Variants in BACH2 observed in about 807,000 individuals in gnomAD.
The protein encoded by BACH2 is transcription regulator protein BACH2.
Under a neutral mutation model 61.8 loss-of-function variants are expected in BACH2, and 5 were observed. The observed-to-expected ratio is 0.08, with a 90% confidence interval of 0.04 to 0.17. The LOEUF (loss-of-function observed/expected upper bound fraction) is 0.17. Among genes scored for constraint, BACH2 ranks in the 10% least tolerant of loss-of-function variants. The pLI, the probability that BACH2 is intolerant of heterozygous loss-of-function variation, is 1.00. For missense variants in BACH2, 824 were observed against 1,091.1 expected, an observed-to-expected ratio of 0.76 and a Z score of 3.45; for synonymous variants, 446 against 440.1, an observed-to-expected ratio of 1.01 and a Z score of -0.17.
At chr6:90,151,014 C>A (rs4707602) in intron 4 of BACH2, among the ~76,000 whole-genome samples, 3,662 of 152,238 alleles carry the variant, frequency 0.024, 77 homozygotes, top group East Asian at 0.09. Context: ...TTACACGAGG[C>A]AGACAGGTAG....
At chr6:90,179,369 C>T (rs942903656) in intron 4 of BACH2, among the ~76,000 whole-genome samples, 6 of 152,160 alleles carry the variant, frequency 3.9e-5, no homozygotes, top group African/African-American at 1.2e-4. Context: ...GGCTGGGGTG[C>T]TAATATTTAG....
chr6:90,061,976 G>C (rs958098126), intron 5 of BACH2, among the ~76,000 whole-genome samples: 1 of 152,172 alleles, frequency 6.6e-6, no homozygotes, highest in African/African-American at 2.4e-5. Context: ...GCAGTAAAGT[G>C]GAGTAGAAGC....
chr6:90,261,392 CCTTGACAACT>C (rs1360680028), intron 2 of BACH2, among the ~76,000 whole-genome samples: 3 of 152,136 alleles, frequency 2.0e-5, no homozygotes, highest in African/African-American at 7.2e-5. Flanking sequence ...AAAAAATGTT[CCTTGACAACT>C]CTTGCTCTCC....
intron 5 of BACH2, among the ~76,000 whole-genome samples, chr6:90,057,426 C>G (rs372320225): frequency 1.3e-5 from 2 of 152,154 alleles, no homozygotes; most frequent in African/African-American, 2.4e-5. Flanking sequence ...AAACCAGGAA[C>G]AAGTTGAATC....
At chr6:90,219,773 CTTTAAAACACA>C (rs1392656945) in intron 3 of BACH2, among the ~76,000 whole-genome samples, 6 of 109,342 alleles carry the variant, frequency 5.5e-5, no homozygotes, top group African/African-American at 1.1e-4. Context: ...GGGAGTGGGG[CTTTAAAACACA>C]TACACACACA....
At chr6:90,233,775 C>T (rs1311282124) in intron 3 of BACH2, among the ~76,000 whole-genome samples, 1 of 152,138 alleles carries the variant, frequency 6.6e-6, no homozygotes, top group Admixed American at 6.5e-5. Flanking sequence ...CTGACCCCAT[C>T]CACAGGCTCA....
At chr6:90,113,962 G>A (rs775283088) in intron 4 of BACH2, among the ~76,000 whole-genome samples, 2 of 152,030 alleles carry the variant, frequency 1.3e-5, no homozygotes, top group Admixed American at 6.6e-5. Flanking sequence ...TCCTAAGACT[G>A]AGTCAGGAAG....
chr6:90,034,801 T>C (rs962762117), intron 5 of BACH2, among the ~76,000 whole-genome samples: 2 of 152,146 alleles, frequency 1.3e-5, no homozygotes, highest in African/African-American at 4.8e-5. Context: ...CCAAATCAGA[T>C]GGCTTGCCCA....
At chr6:89,991,413 A>AT (rs1044409221) in intron 6 of BACH2, among the ~76,000 whole-genome samples, 1 of 152,176 alleles carries the variant, frequency 6.6e-6, no homozygotes, top group African/African-American at 2.4e-5. Flanking sequence ...CATTTGCTAA[A>AT]TTTGTGTGCT....
chr6:90,214,035 A>T (rs577739213), intron 3 of BACH2, among the ~76,000 whole-genome samples: 1 of 152,348 alleles, frequency 6.6e-6, no homozygotes, highest in Non-Finnish European at 1.5e-5. Context: ...TACTGGTGAC[A>T]GCTTTTTGCG....
At chr6:90,081,991 G>A (rs1275934139) in intron 5 of BACH2, among the ~76,000 whole-genome samples, 1 of 152,130 alleles carries the variant, frequency 6.6e-6, no homozygotes, top group East Asian at 1.9e-4. Flanking sequence ...CGGAAGAGAT[G>A]CATCTTTAAA....
At chr6:89,941,987 C>G (rs1773460655) in intron 7 of BACH2, among the ~76,000 whole-genome samples, 1 of 152,202 alleles carries the variant, frequency 6.6e-6, no homozygotes, top group South Asian at 2.1e-4. Flanking sequence ...AGCCATACAA[C>G]ACTTCAGCAG....
intron 4 of BACH2, among the ~76,000 whole-genome samples, chr6:90,165,733 G>C (rs994315663): frequency 1.3e-5 from 2 of 152,108 alleles, no homozygotes; most frequent in Admixed American, 1.3e-4. Context: ...GAACAGAACA[G>C]AGCCCTCAGA....
intron 6 of BACH2, among the ~76,000 whole-genome samples, chr6:89,987,508 G>A (rs1287136880): frequency 1.3e-5 from 2 of 152,106 alleles, no homozygotes; most frequent in Non-Finnish European, 2.9e-5. Context: ...CCCTATAAGA[G>A]TTGCCTTCAG....
intron 5 of BACH2, among the ~76,000 whole-genome samples, chr6:90,019,257 G>A (rs1225224318): frequency 2.6e-5 from 4 of 152,072 alleles, no homozygotes; most frequent in African/African-American, 9.7e-5. Flanking sequence ...TTCATTTATG[G>A]GTAATACATA....
chr6:90,052,454 C>T (rs1420266542), intron 5 of BACH2, among the ~76,000 whole-genome samples: 1 of 152,066 alleles, frequency 6.6e-6, no homozygotes, highest in East Asian at 1.9e-4. Context: ...GGGTCTTTCT[C>T]TGTTACCCAG....
chr6:89,973,185 T>C (rs546350984), intron 6 of BACH2, among the ~76,000 whole-genome samples: 14 of 152,192 alleles, frequency 9.2e-5, no homozygotes, highest in Non-Finnish European at 1.6e-4. Flanking sequence ...GGGGATCGTT[T>C]GAGCCCAAGA....
chr6:90,215,488 T>C (rs904027221), intron 3 of BACH2, among the ~76,000 whole-genome samples: 1 of 152,180 alleles, frequency 6.6e-6, no homozygotes, highest in African/African-American at 2.4e-5. Flanking sequence ...TTCCCTGTCC[T>C]GCTTTAAAGC....
At chr6:90,238,401 G>A (rs1371396368) in intron 3 of BACH2, among the ~76,000 whole-genome samples, 1 of 152,178 alleles carries the variant, frequency 6.6e-6, no homozygotes, top group African/African-American at 2.4e-5. Context: ...AAATTTCTTA[G>A]AGTATTTGCA....
Sources: allele counts gnomAD v4.1 joint callset (sites outside exome capture counted in the v4.1 genomes callset), GRCh38; gene constraint gnomAD v4.1.1; transcripts MANE v1.5; gene names NCBI Gene and HGNC (gene_info 2026-07-23, HGNC 2026-07-21).